The following NCKAP5 variants were observed in gnomAD, a reference collection of about 807,000 sequenced individuals.
The protein encoded by NCKAP5 is NCK associated protein 5, also known as nck-associated protein 5.
Under a neutral mutation model 167.0 loss-of-function variants are expected in NCKAP5, and 92 were observed. The observed-to-expected ratio is 0.55, with a 90% CI of 0.47 to 0.66. The LOEUF is 0.66. Among genes scored for constraint, NCKAP5 ranks in the 30% least tolerant of loss-of-function variants. The pLI is 0.00. For synonymous variants in NCKAP5, 891 were observed against 877.4 expected (o/e 1.02, Z -0.27); for missense variants, 2,378 against 2,315.0 (o/e 1.03, Z -0.56).
chr2:133,089,560 T>C lies in NCKAP5; in HGVS notation c.341+40418A>G, dbSNP rs1040620063. Among the ~76,000 whole-genome samples the C allele has an allele frequency of 5.3e-5, 8 of 152,322 alleles. No homozygotes were observed. The East Asian group carries it at 9.7e-4, about 18-fold the overall frequency. On this transcript the variant is annotated intron_variant, in intron 6 of 19. Coordinates refer to ENST00000409261, the MANE Select transcript of NCKAP5 (RefSeq NM_207363.3). ...CTACCAAAATGGTGAAAAACACTTGTCATGCTCTGAATAAAACAAAGTACT... is the reference window on the plus strand; with the variant it reads ...CTACCAAAATGGTGAAAAACACTTGCCATGCTCTGAATAAAACAAAGTACT...
intron 6 of NCKAP5, among the ~76,000 whole-genome samples, chr2:133,094,907 T>C (rs78121113): frequency 1.3e-5 from 2 of 152,062 alleles, no homozygotes; most frequent in African/African-American, 4.8e-5. Flanking sequence ...CCTAGAAGTT[T>C]AGAGTAGCCC....
chr2:133,227,095 A>C (rs1396599771), intron 4 of NCKAP5, among the ~76,000 whole-genome samples: 1 of 152,202 alleles, frequency 6.6e-6, no homozygotes, highest in Non-Finnish European at 1.5e-5. Context: ...TACAAAAGTT[A>C]AGAGCACAAA....
intron 3 of NCKAP5, among the ~76,000 whole-genome samples, chr2:133,333,160 G>T (rs1316070878): frequency 6.6e-6 from 1 of 152,194 alleles, no homozygotes; most frequent in South Asian, 2.1e-4. Flanking sequence ...GTTCAGAAGT[G>T]CACTTTCTAT....
intron 2 of NCKAP5, among the ~76,000 whole-genome samples, chr2:133,530,009 T>C (rs1208694625): frequency 6.6e-6 from 1 of 152,202 alleles, no homozygotes; most frequent in Non-Finnish European, 1.5e-5. Context: ...TAATTTGCAG[T>C]CAAATGCATC....
At chr2:133,571,475 G>A (rs558982302), upstream of NCKAP5, among the ~76,000 whole-genome samples, 4 of 152,206 alleles carry the variant, frequency 2.6e-5, no homozygotes, top group South Asian at 2.1e-4. Context: ...CCTCCTGCCC[G>A]CCTGCTAGTC....
the NCKAP5 span, among the ~76,000 whole-genome samples, chr2:133,621,316 A>G: frequency 7.3e-3 from 1,112 of 152,284 alleles, 14 homozygotes; most frequent in African/African-American, 0.025. Flanking sequence ...AAAAATACAA[A>G]AGATAAATCA....
chr2:132,942,375 T>G (rs893986322), intron 8 of NCKAP5, among the ~76,000 whole-genome samples: 1 of 152,040 alleles, frequency 6.6e-6, no homozygotes, highest in Non-Finnish European at 1.5e-5. Flanking sequence ...GGGGCTGAGG[T>G]TGGGCCTGAG....
At chr2:133,518,060 A>G (rs760079735) in intron 2 of NCKAP5, among the ~76,000 whole-genome samples, 1 of 152,226 alleles carries the variant, frequency 6.6e-6, no homozygotes, top group Non-Finnish European at 1.5e-5. Flanking sequence ...AAAAATATGT[A>G]ATTTAAAAAT....
At chr2:132,788,161 G>C (rs932321661) in intron 13 of NCKAP5, among the ~76,000 whole-genome samples, 1 of 152,180 alleles carries the variant, frequency 6.6e-6, no homozygotes, top group African/African-American at 2.4e-5. Context: ...GAGTGATGGT[G>C]GGGAGGAGCT....
chr2:133,151,495 C>T (rs1158047803), intron 5 of NCKAP5, among the ~76,000 whole-genome samples: 1 of 152,056 alleles, frequency 6.6e-6, no homozygotes, highest in African/African-American at 2.4e-5. Context: ...TTTGAAAGAA[C>T]ACCTCACCAA....
intron 3 of NCKAP5, among the ~76,000 whole-genome samples, chr2:133,376,882 C>G (rs1686180936): frequency 6.6e-6 from 1 of 152,176 alleles, no homozygotes; most frequent in Non-Finnish European, 1.5e-5. Flanking sequence ...TGGTATATCC[C>G]ATTCCTATAG....
Position 132,673,276 on chromosome 2 carries a change from G to T in NCKAP5, c.*13C>A, listed in dbSNP as rs529475682. 1.3e-6 allele frequency: 2 copies of T among 1,508,918 alleles called. No homozygotes were observed. Among genetic ancestry groups the T allele is most frequent in the South Asian group, 1.3e-5 (1 of 76,956 alleles). 93.5% of individuals were successfully genotyped at this position (1,508,918 alleles called of 1,614,324 possible). On this transcript the variant is annotated 3_prime_UTR_variant, in exon 20 of 20. Transcript: ENST00000409261. ...TTTTCGATAATCTATTCTCGGGATC[G>T]TCTTTTGTTTCTTCAAGTTGTCTCA...
intron 5 of NCKAP5, among the ~76,000 whole-genome samples, chr2:133,177,343 G>A (rs2084513891): frequency 6.6e-6 from 1 of 152,042 alleles, no homozygotes; most frequent in African/African-American, 2.4e-5. Flanking sequence ...AAAGATGAGA[G>A]ATTTAATCAC....
At chr2:133,017,039 T>G (rs1361675132) in intron 6 of NCKAP5, among the ~76,000 whole-genome samples, 1 of 152,218 alleles carries the variant, frequency 6.6e-6, no homozygotes, top group Non-Finnish European at 1.5e-5. Context: ...TCAATATTTA[T>G]ATCCTTTCCA....
At chr2:133,285,243 G>A (rs2090066232) in intron 4 of NCKAP5, among the ~76,000 whole-genome samples, 1 of 152,184 alleles carries the variant, frequency 6.6e-6, no homozygotes, top group Non-Finnish European at 1.5e-5. Context: ...TGTCTAGCAA[G>A]CATTTGACAG....
rs528328096 is a variant in NCKAP5 at position 133,501,535 on chromosome 2, G to A, written c.69+15923C>T. Among the ~76,000 whole-genome samples, 133 of 152,270 alleles carry A rather than the reference G, an allele frequency of 8.7e-4. 1 individual carries two copies. The highest frequency in any genetic ancestry group is 3.1e-3 in the African/African-American group (130 of 41,556). ...CTTTAGCTGAGATTCCAGCAATTTC[G>A]AGTTAACTTTACTAATCAGAATATT... On this transcript the variant is annotated intron_variant, in intron 3 of 19. Transcript: ENST00000409261.
intron 8 of NCKAP5, among the ~76,000 whole-genome samples, chr2:132,919,963 C>A (rs768752798): frequency 2.0e-5 from 3 of 152,182 alleles, no homozygotes; most frequent in Non-Finnish European, 2.9e-5. Flanking sequence ...AAAGGGACCT[C>A]TGTGGCCTGG....
chr2:133,403,101 CA>C (rs1458817501), intron 3 of NCKAP5, among the ~76,000 whole-genome samples: 1 of 152,112 alleles, frequency 6.6e-6, no homozygotes, highest in Non-Finnish European at 1.5e-5. Flanking sequence ...AATCATGCCA[CA>C]AAAACAATGT....
At chr2:133,324,468 T>C (rs1325535623) in intron 3 of NCKAP5, among the ~76,000 whole-genome samples, 1 of 152,210 alleles carries the variant, frequency 6.6e-6, no homozygotes, top group East Asian at 1.9e-4. Context: ...CGGAAAGACT[T>C]TGGGAAACCT....
Sources: gnomAD v4.1 joint callset for allele counts (sites outside exome capture counted in the v4.1 genomes callset) on GRCh38, gnomAD v4.1.1 for gene constraint, MANE v1.5 for transcripts, NCBI Gene and HGNC (gene_info 2026-07-23, HGNC 2026-07-21) for gene names.